The following MINDY4 variants were observed in gnomAD, a reference collection of about 807,000 sequenced individuals.
MINDY4 encodes probable ubiquitin carboxyl-terminal hydrolase MINDY-4.
A neutral mutation model predicts 87.0 loss-of-function variants in MINDY4; 68 were observed. The ratio of observed to expected loss-of-function variants is 0.78; its 90% CI spans 0.64 to 0.96. The LOEUF (loss-of-function observed/expected upper bound fraction) is 0.96. Ranked by LOEUF, MINDY4 falls within the 40% of genes least tolerant of loss-of-function variation. MINDY4 has a pLI of 0.00. For missense variants in MINDY4, 919 were observed against 928.2 expected, an observed-to-expected ratio of 0.99 and a Z score of 0.13; for synonymous variants, 379 against 363.2, an observed-to-expected ratio of 1.04 and a Z score of -0.50.
At chr7:30,828,809 A>T in intron 6 of MINDY4, 72 bp downstream of exon 6, 1 of 1,534,766 alleles carries the variant, frequency 6.5e-7, no homozygotes, top group Non-Finnish European at 8.9e-7. Flanking sequence ...TGTCTGGGAG[A>T]TGGGTGGTCG....
chr7:30,891,371 A>G (rs77563877), intron 17 of MINDY4, among the ~76,000 whole-genome samples: 2 of 152,210 alleles, frequency 1.3e-5, no homozygotes, highest in Non-Finnish European at 2.9e-5. Flanking sequence ...CTAACCCTGG[A>G]CCACAATTTA....
intron 14 of MINDY4, among the ~76,000 whole-genome samples, chr7:30,874,597 G>A (rs532976623): frequency 6.6e-6 from 1 of 152,332 alleles, no homozygotes; most frequent in African/African-American, 2.4e-5. Flanking sequence ...TGGCATGCTT[G>A]TTGGCTTGCC....
chr7:30,852,205 T>A lies in MINDY4; in HGVS notation c.1548-11T>A, dbSNP rs780756536. 1 of 1,614,076 alleles carries A rather than the reference T, an allele frequency of 6.2e-7. No homozygotes were observed. ...ACTCAGAGGACTCATGCACCTTCCT[T>A]TCCTTTTTAGGGCTTCGAGAACACA... On this transcript the variant is annotated splice_polypyrimidine_tract_variant and intron_variant, in intron 10 of 17. Coordinates refer to ENST00000265299, the MANE Select transcript of MINDY4 (RefSeq NM_032222.3).
chr7:30,861,938 G>T (rs1304002520), intron 13 of MINDY4, among the ~76,000 whole-genome samples: 2 of 152,262 alleles, frequency 1.3e-5, no homozygotes, highest in Non-Finnish European at 2.9e-5. Flanking sequence ...AGTGCCACTG[G>T]GGGTGTGAGG....
At chr7:30,782,930 A>T (rs1158642392) in intron 3 of MINDY4, among the ~76,000 whole-genome samples, 1 of 152,178 alleles carries the variant, frequency 6.6e-6, no homozygotes, top group African/African-American at 2.4e-5. Flanking sequence ...GCCTTACTTA[A>T]AGTCAACTGA....
intron 5 of MINDY4, among the ~76,000 whole-genome samples, 153 bp from the exon 6 acceptor site, chr7:30,828,526 G>A (rs1403648430): frequency 2.6e-5 from 4 of 152,212 alleles, no homozygotes; most frequent in Non-Finnish European, 4.4e-5. Flanking sequence ...ACCTGTGGCT[G>A]AGAGAGGGGG....
At position 30,785,497 on chromosome 7, in the gene MINDY4, G is replaced by A. The variant is rs546528040; in HGVS notation, c.420-252G>A. Among the ~76,000 whole-genome samples the A allele has an allele frequency of 1.7e-3, 257 of 152,284 alleles. 1 individual carries two copies. Among genetic ancestry groups the A allele is most frequent in the African/African-American group, 5.9e-3 (244 of 41,542 alleles). On this transcript the variant is annotated intron_variant, in intron 3 of 17. Coordinates refer to ENST00000265299, the MANE Select transcript of MINDY4 (RefSeq NM_032222.3). ...ATGCTCTTTAGTCTTAAGGACTTGAGGGGTCCTGTTATGGATCATCATCTC... is the reference window on the plus strand; with the variant it reads ...ATGCTCTTTAGTCTTAAGGACTTGAAGGGTCCTGTTATGGATCATCATCTC...
chr7:30,775,519 G>T (rs1786784398), intron 1 of MINDY4, among the ~76,000 whole-genome samples: 1 of 152,204 alleles, frequency 6.6e-6, no homozygotes, highest in Non-Finnish European at 1.5e-5. Context: ...TCATTCAGGA[G>T]ATTTTGTGTC....
chr7:30,850,655 C>A, intron 10 of MINDY4, 100 bp downstream of exon 10: 1 of 1,013,710 alleles, frequency 9.9e-7, no homozygotes, highest in Non-Finnish European at 1.5e-6. Flanking sequence ...CTTCCGTTAC[C>A]CACCCTGTGC....
At chr7:30,798,306 A>G (rs938469067) in intron 5 of MINDY4, among the ~76,000 whole-genome samples, 2 of 152,234 alleles carry the variant, frequency 1.3e-5, no homozygotes, top group African/African-American at 4.8e-5. Context: ...CCGAAACCAC[A>G]TATCTCATTG....
intron 14 of MINDY4, among the ~76,000 whole-genome samples, chr7:30,872,999 G>A (rs1001594557): frequency 2.0e-5 from 3 of 152,368 alleles, no homozygotes; most frequent in Middle Eastern, 3.4e-3. Context: ...GCCACAATGC[G>A]TAGCATGGAC....
chr7:30,850,362 C>T (rs183533074), intron 9 of MINDY4, 92 bp from the exon 10 acceptor site: 21 of 1,187,092 alleles, frequency 1.8e-5, no homozygotes, highest in Middle Eastern at 1.9e-4. Flanking sequence ...AGGCCATCTG[C>T]GGAGGGGACT....
intron 5 of MINDY4, among the ~76,000 whole-genome samples, chr7:30,795,259 A>G (rs551733507): frequency 6.6e-6 from 1 of 152,226 alleles, no homozygotes; most frequent in Non-Finnish European, 1.5e-5. Flanking sequence ...CATAGGCTGC[A>G]CAAGTTCCAG....
Position 30,875,600 on chromosome 7 carries a change from G to T in MINDY4, c.1915G>T (p.Ala639Ser). ...DGNITLLRGI[A>S]ARSDIGFLSL... ...GAACATCACACTTCTCAGAGGCATTGCTGCACGCAGTGATATTGGCTTCTT... is the reference window on the plus strand; with the variant it reads ...GAACATCACACTTCTCAGAGGCATTTCTGCACGCAGTGATATTGGCTTCTT... Residue 639 changes from alanine to serine, a missense_variant, in exon 15 of 18, where the codon GCT becomes TCT. Ala to Ser is a moderately conservative substitution (Grantham distance 99, BLOSUM62 1). Coordinates refer to ENST00000265299, the MANE Select transcript of MINDY4 (RefSeq NM_032222.3). 2.5e-6 allele frequency: 4 copies of T among 1,614,158 alleles called. No individual in the cohort carries two copies. Among genetic ancestry groups the T allele is most frequent in the Non-Finnish European group, 3.4e-6 (4 of 1,180,016 alleles).
chr7:30,816,748 A>C (rs981406616), intron 5 of MINDY4, among the ~76,000 whole-genome samples: 2 of 152,144 alleles, frequency 1.3e-5, no homozygotes, highest in African/African-American at 4.8e-5. Context: ...CAGGAAGATA[A>C]TTTATTTGAG....
chr7:30,868,048 G>A (rs1311363138), intron 13 of MINDY4, among the ~76,000 whole-genome samples: 1 of 152,222 alleles, frequency 6.6e-6, no homozygotes, highest in African/African-American at 2.4e-5. Context: ...GGCTGTGACT[G>A]TAGGCTGGGA....
chr7:30,774,133 T>C (rs1283872155), intron 1 of MINDY4, among the ~76,000 whole-genome samples: 1 of 152,256 alleles, frequency 6.6e-6, no homozygotes, highest in African/African-American at 2.4e-5. Context: ...CTCTCCAGAC[T>C]GTTTACCCTC....
intron 8 of MINDY4, among the ~76,000 whole-genome samples, chr7:30,839,631 G>C (rs1272695202): frequency 1.3e-5 from 2 of 151,970 alleles, no homozygotes; most frequent in Non-Finnish European, 2.9e-5. Context: ...GTCTGCTTGG[G>C]GCCACTAGAG....
At chr7:30,846,485 G>A (rs552934434) in intron 9 of MINDY4, among the ~76,000 whole-genome samples, 38 of 152,362 alleles carry the variant, frequency 2.5e-4, no homozygotes, top group South Asian at 1.0e-3. Context: ...TGGTTTAAGA[G>A]CCTGGCCAGG....
Sources: allele counts gnomAD v4.1 joint callset (sites outside exome capture counted in the v4.1 genomes callset), GRCh38; gene constraint gnomAD v4.1.1; transcripts MANE v1.5; gene names NCBI Gene and HGNC (gene_info 2026-07-23, HGNC 2026-07-21).